Variants in EFHC1 observed in about 807,000 individuals in gnomAD.
EFHC1 encodes the protein EF-hand domain-containing protein 1.
In EFHC1, 53 loss-of-function variants were observed where a neutral mutation model predicts 69.9. The ratio of observed to expected loss-of-function variants is 0.76; its 90% confidence interval spans 0.61 to 0.95. The LOEUF is 0.95. Among genes scored for constraint, EFHC1 ranks in the 40% least tolerant of loss-of-function variants. The pLI, the probability that EFHC1 is intolerant of heterozygous loss-of-function variation, is 0.00. For missense variants in EFHC1, 739 were observed against 798.7 expected, an observed-to-expected ratio of 0.93 and a Z score of 0.90; for synonymous variants, 256 against 278.4, an observed-to-expected ratio of 0.92 and a Z score of 0.80.
At chr6:52,460,585 A>C (rs142790771) in intron 5 of EFHC1, among the ~76,000 whole-genome samples, 76 of 152,336 alleles carry the variant, frequency 5.0e-4, no homozygotes, top group African/African-American at 1.5e-3. Flanking sequence ...AGTCAAATGT[A>C]AGAACACTAG....
rs142136413 is a variant in EFHC1, at chr6:52,474,846, A to G, written c.1279-4191A>G. Among the ~76,000 whole-genome samples, 846 of 152,362 alleles carry G rather than the reference A, an allele frequency of 5.6e-3. 8 individuals carry two copies. Among genetic ancestry groups the G allele is most frequent in the African/African-American group, 0.019 (796 of 41,580 alleles). On this transcript the variant is annotated intron_variant, in intron 7 of 10. Transcript: ENST00000371068. Reference sequence around the variant, plus strand: ...CTTTGTAGCAAAACTAAAGAAAACCATACAATTCAAGGCAATGGCCTGTTT... The same window carrying G: ...CTTTGTAGCAAAACTAAAGAAAACCGTACAATTCAAGGCAATGGCCTGTTT...
intron 3 of EFHC1, among the ~76,000 whole-genome samples, chr6:52,446,462 G>A (rs577368207): frequency 4.6e-5 from 7 of 152,192 alleles, no homozygotes; most frequent in Non-Finnish European, 7.4e-5. Context: ...GTCTCTGCAC[G>A]TCAGATGGGT....
At position 52,479,639 on chromosome 6, in the gene EFHC1, G is replaced by T; in HGVS notation, c.1493-1G>T. ...TAAGTGTGTTGCTACCTTCTCTCCA[G>T]TGTTTGGTCACCGGTTCATCATCCT... On this transcript the variant is annotated splice_acceptor_variant, in intron 8 of 10. Coordinates refer to ENST00000371068, the MANE Select transcript of EFHC1 (RefSeq NM_018100.4). LOFTEE classifies it high-confidence loss of function. 1.2e-6 allele frequency: 2 copies of T among 1,614,180 alleles called. No individual in the cohort carries two copies. The highest frequency in any genetic ancestry group is 1.7e-6 in the Non-Finnish European group (2 of 1,180,028).
At position 52,479,781 on chromosome 6, in the gene EFHC1, C is replaced by A; in HGVS notation, c.1634C>A (p.Ala545Glu). The A allele has an allele frequency of 1.2e-6, 2 of 1,614,044 alleles. No individual in the cohort carries two copies. The highest frequency in any genetic ancestry group is 1.7e-6 in the Non-Finnish European group (2 of 1,180,012). ...AAGCGAGAAGCGCCTGCTCCAGAAG[C>A]AGAAAGGTGTGTGTTTGATTGCTAG... is the stretch of plus-strand genomic sequence containing the variant. ...VRKREAPAPE[A>E]ESKQTEKDPG... Residue 545 changes from alanine (A) to glutamate (E), a missense_variant, in exon 9 of 11, where the codon GCA becomes GAA. By Grantham distance (107) the Ala-to-Glu change is moderately radical. Transcript: ENST00000371068.
chr6:52,456,305 A>G (rs1404758510), intron 5 of EFHC1, among the ~76,000 whole-genome samples: 2 of 152,356 alleles, frequency 1.3e-5, no homozygotes, highest in Admixed American at 6.5e-5. Context: ...TTCAATGACA[A>G]TGGGACTAAT....
intron 2 of EFHC1, among the ~76,000 whole-genome samples, chr6:52,426,676 C>T (rs1376188882): frequency 2.0e-5 from 3 of 152,306 alleles, no homozygotes; most frequent in Middle Eastern, 3.4e-3. Context: ...CTATCCCTCA[C>T]CTTTTCCCAT....
At position 52,465,093 on chromosome 6, in the gene EFHC1, G is replaced by A. The variant is rs535905126; in HGVS notation, c.1115G>A (p.Arg372Gln). 18 of 1,613,758 alleles carry A rather than the reference G, an allele frequency of 1.1e-5. No homozygotes were observed. Among genetic ancestry groups the A allele is most frequent in the East Asian group, 6.7e-5 (3 of 44,856 alleles). Residue 372 changes from arginine to glutamine, a missense_variant, in exon 6 of 11, where the codon CGG becomes CAG. By Grantham distance (43) the Arg-to-Gln change is conservative (BLOSUM62 1). Coordinates refer to ENST00000371068, the MANE Select transcript of EFHC1 (RefSeq NM_018100.4). Reference protein sequence around the residue: ...TDLPRIDVSKREPPPVKQELP... With the variant: ...TDLPRIDVSKQEPPPVKQELP... ...TTACCACGTATTGATGTGAGCAAGC[G>A]GGAACCACCTCCAGTAAAACAGGTA...
rs766254775 is a variant in EFHC1 at position 52,495,054 on chromosome 6, G to A, written c.*2713G>A. 4.0e-5 allele frequency: 18 copies of A among 453,872 alleles called. No individual in the cohort carries two copies. The highest frequency in any genetic ancestry group is 1.7e-4 in the South Asian group (11 of 64,470). 28.1% of individuals were successfully genotyped at this position (453,872 alleles called of 1,614,324 possible). A position where few individuals can be genotyped will look rare whatever the true frequency, so the allele number is the denominator to read the frequency against. On this transcript the variant is annotated 3_prime_UTR_variant, in exon 11 of 11. Transcript: ENST00000371068. Reference sequence around the variant, plus strand: ...CCCAGTGCACCACTCTCAGATGGACGGGACCCAGTCTGTACCTGATCACCC... The same window carrying A: ...CCCAGTGCACCACTCTCAGATGGACAGGACCCAGTCTGTACCTGATCACCC...
At chr6:52,450,304 T>C (rs1264428326) in intron 3 of EFHC1, among the ~76,000 whole-genome samples, 1 of 152,202 alleles carries the variant, frequency 6.6e-6, no homozygotes, top group Non-Finnish European at 1.5e-5. Context: ...GAAGGTTCTG[T>C]AGAGGTAGGT....
chr6:52,420,414 G>A lies in EFHC1; in HGVS notation c.4G>A (p.Val2Met). Residue 2 changes from valine (V) to methionine (M), a missense_variant, in exon 1 of 11, where the codon GTG becomes ATG. Coordinates refer to ENST00000371068, the MANE Select transcript of EFHC1 (RefSeq NM_018100.4). ...GGCGGCGGTGGTACCGGCTGCAATG[G>A]TGTCCAATCCCGTGCATGGCTTGCC... MVSNPVHGLPFL... is the reference protein window; with the variant it reads MMSNPVHGLPFL... 6.2e-7 allele frequency: 1 copy of A among 1,614,190 alleles called. No individual in the cohort carries two copies. Among genetic ancestry groups the A allele is most frequent in the Non-Finnish European group, 8.5e-7 (1 of 1,180,036 alleles).
chr6:52,494,527 G>A lies in EFHC1; in HGVS notation c.*2186G>A, dbSNP rs890809654. On this transcript the variant is annotated 3_prime_UTR_variant, in exon 11 of 11. Coordinates refer to ENST00000371068, the MANE Select transcript of EFHC1 (RefSeq NM_018100.4). ...TCTGTGGCTAGTAATGTCGTAATGT[G>A]GGGCCAGGTCTGAGTGACATGTGCC... is the stretch of plus-strand genomic sequence containing the variant. The A allele has an allele frequency of 8.8e-6, 4 of 454,026 alleles. No homozygotes were observed. The East Asian group carries it at 2.8e-4, about 32-fold the overall frequency. The allele number at this position is 454,026 out of a possible 1,614,324, so 28.1% of individuals were successfully genotyped here.
Position 52,493,943 on chromosome 6 carries a change from G to A in EFHC1, c.*1602G>A, listed in dbSNP as rs1004465461. On this transcript the variant is annotated 3_prime_UTR_variant, in exon 11 of 11. Transcript: ENST00000371068. ...TTCCCTTGGTGTTTCCTTCCCTAAC[G>A]AGCTCAGCCACTTGTAACCAGCTTA... 5.1e-5 allele frequency: 23 copies of A among 454,028 alleles called. No individual in the cohort carries two copies. Among genetic ancestry groups the A allele is most frequent in the Non-Finnish European group, 9.7e-5 (22 of 226,782 alleles). 28.1% of individuals were successfully genotyped at this position (454,028 alleles called of 1,614,324 possible).
At position 52,424,069 on chromosome 6, in the gene EFHC1, G is replaced by C; in HGVS notation, c.187G>C (p.Asp63His). The C allele has an allele frequency of 6.2e-7, 1 of 1,614,142 alleles. No individual in the cohort carries two copies. Among genetic ancestry groups the C allele is most frequent in the Non-Finnish European group, 8.5e-7 (1 of 1,180,038 alleles). ...CAACCAGCTGTCCCAGGCTGAGCTG[G>C]ATGAGTTGGCCAGTAAGGCACCAGT... ...QFNQLSQAEL[D>H]ELASKAPVLT... Residue 63 changes from aspartate (D) to histidine (H), a missense_variant, in exon 2 of 11, where the codon GAT (aspartate) becomes CAT (histidine). By Grantham distance (81) the Asp-to-His change is moderately conservative. Transcript: ENST00000371068.
At chr6:52,485,384 G>A (rs1765765395) in intron 9 of EFHC1, 1 of 152,092 alleles carries the variant, frequency 6.6e-6, no homozygotes, top group Non-Finnish European at 1.5e-5. Context: ...AGATACCACT[G>A]TGACTCTTAG....
intron 3 of EFHC1, among the ~76,000 whole-genome samples, chr6:52,442,283 C>T (rs1315501892): frequency 6.6e-6 from 1 of 151,794 alleles, no homozygotes; most frequent in Non-Finnish European, 1.5e-5. Context: ...CCTTTAATAC[C>T]TAGTTTATTT....
At chr6:52,433,184 G>A (rs889416572) in intron 2 of EFHC1, among the ~76,000 whole-genome samples, 1 of 151,914 alleles carries the variant, frequency 6.6e-6, no homozygotes, top group Non-Finnish European at 1.5e-5. Flanking sequence ...AGGTAAATTA[G>A]GGATTTCTTC....
chr6:52,465,773 C>T (rs1211239787), intron 6 of EFHC1, among the ~76,000 whole-genome samples: 1 of 150,408 alleles, frequency 6.6e-6, no homozygotes, highest in Non-Finnish European at 1.5e-5. Context: ...TGCCATTGCA[C>T]TCCAGCCTGG....
At chr6:52,431,166 T>C (rs1764404492) in intron 2 of EFHC1, among the ~76,000 whole-genome samples, 1 of 152,030 alleles carries the variant, frequency 6.6e-6, no homozygotes, top group Non-Finnish European at 1.5e-5. Flanking sequence ...TTCATTTATC[T>C]TTTGTTTTTT....
chr6:52,421,489 T>C (rs146012332), intron 1 of EFHC1, among the ~76,000 whole-genome samples: 1 of 152,336 alleles, frequency 6.6e-6, no homozygotes, highest in African/African-American at 2.4e-5. Flanking sequence ...TTTGTTTTAA[T>C]TCTGACAGGG....
Sources: gnomAD v4.1 joint callset for allele counts (sites outside exome capture counted in the v4.1 genomes callset) on GRCh38, gnomAD v4.1.1 for gene constraint, MANE v1.5 for transcripts, NCBI Gene and HGNC (gene_info 2026-07-23, HGNC 2026-07-21) for gene names.